LIMCH1: variants seen among roughly 807,000 people sequenced by gnomAD.
LIMCH1 encodes LIM and calponin homology domains 1, also known as LIM and calponin homology domains-containing protein 1.
A neutral mutation model predicts 176.5 loss-of-function variants in LIMCH1; 113 were observed. That is an observed-to-expected ratio of 0.64 (90% CI 0.55 to 0.75). The LOEUF (loss-of-function observed/expected upper bound fraction) is 0.75. Ranked by LOEUF, LIMCH1 falls within the 30% of genes least tolerant of loss-of-function variation. The probability of loss-of-function intolerance (pLI) is 0.00; values close to 1 mark genes in which losing one functional copy is unlikely to be tolerated. For missense variants in LIMCH1, 1,674 were observed against 1,814.9 expected, an observed-to-expected ratio of 0.92 and a Z score of 1.41; for synonymous variants, 619 against 645.9, an observed-to-expected ratio of 0.96 and a Z score of 0.63.
At chr4:41,490,572 G>A (rs1275921346) in intron 1 of LIMCH1, among the ~76,000 whole-genome samples, 3 of 152,132 alleles carry the variant, frequency 2.0e-5, no homozygotes, top group Non-Finnish European at 4.4e-5. Context: ...CACAGCACAT[G>A]TTTCAGAGAG....
At chr4:41,629,760 C>T (rs2093205494) in intron 9 of LIMCH1, 26 bp downstream of exon 9, 1 of 1,521,620 alleles carries the variant, frequency 6.6e-7, no homozygotes. Flanking sequence ...CCCCCAGTTT[C>T]CCCCTGGCAG....
intron 1 of LIMCH1, among the ~76,000 whole-genome samples, chr4:41,397,175 G>A (rs528970198): frequency 3.1e-4 from 47 of 152,196 alleles, no homozygotes; most frequent in Non-Finnish European, 5.3e-4. Context: ...AGAAAGACAC[G>A]GAGAGAAGGT....
chr4:41,648,583 T>C (rs1212036482), intron 17 of LIMCH1, among the ~76,000 whole-genome samples: 1 of 151,730 alleles, frequency 6.6e-6, no homozygotes, highest in Non-Finnish European at 1.5e-5. Context: ...GCAACTTTGG[T>C]CAAAGGTCAA....
intron 1 of LIMCH1, among the ~76,000 whole-genome samples, chr4:41,481,774 G>A (rs977171936): frequency 2.6e-4 from 39 of 152,104 alleles, no homozygotes; most frequent in African/African-American, 9.4e-4. Context: ...TGATATGGAG[G>A]AGACCAGAGG....
chr4:41,570,844 G>T (rs796142623), intron 1 of LIMCH1, among the ~76,000 whole-genome samples: 5 of 152,268 alleles, frequency 3.3e-5, no homozygotes, highest in African/African-American at 1.2e-4. Flanking sequence ...TCAGGAAGAG[G>T]ACTGAGAAAA....
At chr4:41,517,534 T>C (rs1191185269) in intron 2 of LIMCH1, among the ~76,000 whole-genome samples, 1 of 152,188 alleles carries the variant, frequency 6.6e-6, no homozygotes, top group East Asian at 1.9e-4. Flanking sequence ...AAGTGTGACC[T>C]ATATTTCACA....
At chr4:41,563,377 C>T (rs1448487817) in intron 1 of LIMCH1, among the ~76,000 whole-genome samples, 7 of 152,150 alleles carry the variant, frequency 4.6e-5, no homozygotes, top group African/African-American at 1.7e-4. Flanking sequence ...GTATGTTATT[C>T]TCTTCCAGGG....
intron 3 of LIMCH1, among the ~76,000 whole-genome samples, chr4:41,526,971 T>C (rs1029006100): frequency 6.6e-5 from 10 of 152,222 alleles, no homozygotes; most frequent in Non-Finnish European, 1.0e-4. Context: ...CCATGAATGG[T>C]GCCTTTTCTT....
chr4:41,569,456 C>A (rs1262457544), intron 1 of LIMCH1, among the ~76,000 whole-genome samples: 3 of 152,134 alleles, frequency 2.0e-5, no homozygotes, highest in African/African-American at 4.8e-5. Context: ...TCAGATACCC[C>A]ATGAGCAAGA....
intron 28 of LIMCH1, 78 bp from the exon 29 acceptor site, chr4:41,687,761 TA>T: frequency 1.2e-6 from 1 of 852,556 alleles, no homozygotes; most frequent in Non-Finnish European, 1.9e-6. Flanking sequence ...TTTATTTTCC[TA>T]ATCTAAAATG....
At chr4:41,503,502 C>A (rs1305412195) in intron 2 of LIMCH1, among the ~76,000 whole-genome samples, 2 of 152,208 alleles carry the variant, frequency 1.3e-5, no homozygotes, top group Non-Finnish European at 2.9e-5. Flanking sequence ...GCCTTTGGAA[C>A]TTCTAGTGGA....
chr4:41,655,374 C>T (rs1363126871), intron 18 of LIMCH1, among the ~76,000 whole-genome samples: 2 of 152,086 alleles, frequency 1.3e-5, no homozygotes, highest in African/African-American at 4.8e-5. Context: ...ACCACAGGTG[C>T]CACTCAGCTA....
At chr4:41,612,806 T>C in intron 4 of LIMCH1, 1 of 1,028,696 alleles carries the variant, frequency 9.7e-7, no homozygotes. Flanking sequence ...CCTGGATTCT[T>C]CTGAGGCATC....
At chr4:41,418,103 A>G (rs1430501937) in intron 1 of LIMCH1, among the ~76,000 whole-genome samples, 1 of 152,214 alleles carries the variant, frequency 6.6e-6, no homozygotes, top group East Asian at 1.9e-4. Context: ...TCTGGGTCTC[A>G]GCAATTCACT....
intron 1 of LIMCH1, among the ~76,000 whole-genome samples, chr4:41,563,093 T>C (rs1454326412): frequency 1.3e-5 from 2 of 152,184 alleles, no homozygotes; most frequent in Admixed American, 1.3e-4. Context: ...ATTCATCTTC[T>C]GTTATTAATA....
intron 1 of LIMCH1, among the ~76,000 whole-genome samples, chr4:41,461,198 G>A (rs528791188): frequency 5.9e-5 from 9 of 152,262 alleles, no homozygotes; most frequent in Admixed American, 1.3e-4. Flanking sequence ...ATGAGCAAAC[G>A]GAGGCAGAGA....
chr4:41,372,063 T>C (rs1011847994), intron 1 of LIMCH1, among the ~76,000 whole-genome samples: 2 of 152,156 alleles, frequency 1.3e-5, no homozygotes, highest in African/African-American at 2.4e-5. Context: ...TGAACACCCC[T>C]CTTTTTGCTC....
At chr4:41,523,069 A>G (rs2076279810) in intron 2 of LIMCH1, among the ~76,000 whole-genome samples, 1 of 152,154 alleles carries the variant, frequency 6.6e-6, no homozygotes, top group Non-Finnish European at 1.5e-5. Flanking sequence ...CCTGTCTGTC[A>G]CAATCACTGT....
chr4:41,390,241 A>G (rs1018784391), intron 1 of LIMCH1, among the ~76,000 whole-genome samples: 9 of 118,528 alleles, frequency 7.6e-5, no homozygotes, highest in Admixed American at 7.1e-4. Context: ...TCTCTCAGGG[A>G]GAGAGAGAGA....
Sources: allele counts gnomAD v4.1 joint callset (sites outside exome capture counted in the v4.1 genomes callset), GRCh38; gene constraint gnomAD v4.1.1; transcripts MANE v1.5; gene names NCBI Gene and HGNC (gene_info 2026-07-23, HGNC 2026-07-21).